Variants in HDAC4 observed in about 807,000 individuals in gnomAD.
HDAC4 encodes histone deacetylase A.
In HDAC4, 16 loss-of-function variants were observed where a neutral mutation model predicts 135.1. The ratio of observed to expected loss-of-function variants is 0.12; its 90% confidence interval spans 0.08 to 0.18. HDAC4 has a LOEUF of 0.18. Ranked by LOEUF, HDAC4 falls within the 10% of genes least tolerant of loss-of-function variation. The pLI is 1.00. For synonymous variants in HDAC4, 685 were observed against 653.4 expected (o/e 1.05, Z -0.74); for missense variants, 1,143 against 1,511.8 (o/e 0.76, Z 4.05).
chr2:239,113,236 T>G lies in HDAC4; in HGVS notation c.1792-1524A>C, dbSNP rs149685598. On this transcript the variant is annotated intron_variant, in intron 13 of 26. Coordinates refer to ENST00000543185, the MANE Select transcript of HDAC4 (RefSeq NM_001378414.1). ...CTGCACTCTAGCCTGGGCAACAGAG[T>G]GAGACTCTGTCTCACACACACACAC... Among the ~76,000 whole-genome samples the G allele has an allele frequency of 8.4e-3, 1,270 of 151,676 alleles. 15 individuals carry two copies. Among genetic ancestry groups the G allele is most frequent in the African/African-American group, 0.029 (1,216 of 41,322 alleles).
chr2:239,075,985 G>C lies in HDAC4; in HGVS notation c.2750+5110C>G, dbSNP rs376968007. Among the ~76,000 whole-genome samples the C allele has an allele frequency of 3.0e-3, 456 of 150,188 alleles. 4 individuals are homozygous for C. The highest frequency in any genetic ancestry group is 0.021 in the South Asian group (101 of 4,718). ...ACTCCCCTCAGCTTCCTGGGAAACA[G>C]AGCTGGGCTGGGATAGCAGTAGCAG... On this transcript the variant is annotated intron_variant, in intron 22 of 26. Transcript: ENST00000543185.
chr2:239,132,576 C>A (rs541401220), intron 11 of HDAC4, among the ~76,000 whole-genome samples: 2 of 152,122 alleles, frequency 1.3e-5, no homozygotes, highest in African/African-American at 4.8e-5. Context: ...CCCATGCCAA[C>A]GAGCAAGCTG....
intron 2 of HDAC4, among the ~76,000 whole-genome samples, chr2:239,315,462 G>A (rs541576684): frequency 5.0e-4 from 76 of 152,272 alleles, no homozygotes; most frequent in African/African-American, 1.6e-3. Flanking sequence ...ATGCACGAGC[G>A]CTAGAGAAAC....
At chr2:239,252,405 CCACCATGGACACAGCCCACGT>C (rs1015740444) in intron 2 of HDAC4, among the ~76,000 whole-genome samples, 10 of 152,338 alleles carry the variant, frequency 6.6e-5, no homozygotes, top group East Asian at 3.9e-4. Context: ...ATGGCCCACG[CCACCATGGACACAGCCCACGT>C]CACCATGGAC....
rs1414045701 is a variant in HDAC4 at position 239,051,026 on chromosome 2, G to GTCTT, written c.*2067_*2070dup. ...CATGCATTGCTGACATGCTCAAAAG[G>GTCTT]TCTTTGGAAAACTCAAGTTAGAATT... On this transcript the variant is annotated 3_prime_UTR_variant, in exon 27 of 27. Transcript: ENST00000543185. The GTCTT allele has an allele frequency of 6.6e-6, 1 of 152,618 alleles. No individual in the cohort carries two copies. Among genetic ancestry groups the GTCTT allele is most frequent in the African/African-American group, 2.4e-5 (1 of 41,428 alleles). The allele number at this position is 152,618 out of a possible 1,614,324, so 9.5% of individuals were successfully genotyped here.
At chr2:239,270,920 A>G (rs1342455798) in intron 2 of HDAC4, among the ~76,000 whole-genome samples, 5 of 152,214 alleles carry the variant, frequency 3.3e-5, no homozygotes, top group Non-Finnish European at 7.3e-5. Flanking sequence ...TCCGTTCCTC[A>G]TTCAGAAACA....
chr2:239,178,448 A>G (rs1051158464), intron 4 of HDAC4, among the ~76,000 whole-genome samples: 8 of 151,798 alleles, frequency 5.3e-5, no homozygotes, highest in African/African-American at 1.9e-4. Flanking sequence ...GGGTCTTGCT[A>G]TGTTGCCCAG....
intron 3 of HDAC4, among the ~76,000 whole-genome samples, chr2:239,221,500 C>T (rs1422318950): frequency 6.6e-6 from 1 of 152,148 alleles, no homozygotes; most frequent in Non-Finnish European, 1.5e-5. Flanking sequence ...TTAAGAGTGG[C>T]CAGCTGGGAA....
At chr2:239,301,250 C>T (rs1265322464) in intron 2 of HDAC4, among the ~76,000 whole-genome samples, 1 of 152,178 alleles carries the variant, frequency 6.6e-6, no homozygotes, top group African/African-American at 2.4e-5. Context: ...GTCGGTCTCC[C>T]ATCCCAGCCA....
chr2:239,382,447 T>C (rs1280548752), intron 1 of HDAC4, among the ~76,000 whole-genome samples: 2 of 152,238 alleles, frequency 1.3e-5, no homozygotes, highest in Admixed American at 6.5e-5. Context: ...GGAAATGCTT[T>C]AATAAAACTC....
At chr2:239,109,850 G>C (rs2038509283) in intron 14 of HDAC4, among the ~76,000 whole-genome samples, 2 of 152,188 alleles carry the variant, frequency 1.3e-5, no homozygotes, top group Non-Finnish European at 1.5e-5. Context: ...TCATGATAAG[G>C]TCACGTGCGC....
intron 2 of HDAC4, among the ~76,000 whole-genome samples, chr2:239,257,755 C>T (rs1268153148): frequency 2.0e-5 from 3 of 152,110 alleles, no homozygotes; most frequent in Non-Finnish European, 4.4e-5. Flanking sequence ...TCATCCTAGG[C>T]CTCAAACTGT....
chr2:239,117,201 G>C (rs2039214641), intron 12 of HDAC4, among the ~76,000 whole-genome samples: 1 of 152,192 alleles, frequency 6.6e-6, no homozygotes, highest in African/African-American at 2.4e-5. Context: ...CCAGAGAACA[G>C]GAACACAGGG....
At chr2:239,190,627 T>C (rs1293033261) in intron 3 of HDAC4, among the ~76,000 whole-genome samples, 2 of 152,140 alleles carry the variant, frequency 1.3e-5, no homozygotes, top group African/African-American at 2.4e-5. Context: ...CCCGTTTCCA[T>C]GGTGAGACAA....
chr2:239,256,036 A>C (rs1327837012), intron 2 of HDAC4, among the ~76,000 whole-genome samples: 1 of 152,230 alleles, frequency 6.6e-6, no homozygotes, highest in Non-Finnish European at 1.5e-5. Flanking sequence ...GATTAATGCA[A>C]ATATTATGTT....
At chr2:239,179,215 G>A (rs1483396389) in intron 4 of HDAC4, among the ~76,000 whole-genome samples, 2 of 152,190 alleles carry the variant, frequency 1.3e-5, no homozygotes, top group African/African-American at 4.8e-5. Flanking sequence ...CAGGACTGGC[G>A]CCCATGGGAT....
In HDAC4 at chr2:239,139,596, G is replaced by C. The variant is rs1454996121; in HGVS notation, c.978+88C>G. ...CCCAAATTGGAAGGTGAAGAGTGAA[G>C]GGCAAGTGCAAAGTGGGGTCATTTC... is the stretch of plus-strand genomic sequence containing the variant. On this transcript the variant is annotated intron_variant, in intron 9 of 26. Transcript: ENST00000543185. The surrounding 1 kb of genome is among the most constrained non-coding windows in gnomAD (Gnocchi z 5.3). The C allele has an allele frequency of 8.4e-7, 1 of 1,188,930 alleles. No individual in the cohort carries two copies. Among genetic ancestry groups the C allele is most frequent in the Non-Finnish European group, 1.3e-6 (1 of 793,182 alleles). The allele number at this position is 1,188,930 out of a possible 1,614,324, so 73.6% of individuals were successfully genotyped here.
At chr2:239,254,990 C>A (rs1169591854) in intron 2 of HDAC4, among the ~76,000 whole-genome samples, 1 of 152,154 alleles carries the variant, frequency 6.6e-6, no homozygotes, top group African/African-American at 2.4e-5. Context: ...TTCAAACATG[C>A]TGAAAGACAC....
chr2:239,086,381 T>G (rs2035953461), intron 19 of HDAC4, among the ~76,000 whole-genome samples: 1 of 149,846 alleles, frequency 6.7e-6, no homozygotes, highest in Admixed American at 6.6e-5. Context: ...GAATCTGCTC[T>G]AACACGCGGA....
Sources: allele counts gnomAD v4.1 joint callset (sites outside exome capture counted in the v4.1 genomes callset), GRCh38; gene constraint gnomAD v4.1.1; non-coding constraint Gnocchi (gnomAD v3.1); transcripts MANE v1.5; gene names NCBI Gene and HGNC (gene_info 2026-07-23, HGNC 2026-07-21).